Variants in SIN3B observed in about 807,000 individuals in gnomAD.
SIN3B encodes paired amphipathic helix protein Sin3b.
Under a neutral mutation model 120.2 loss-of-function variants are expected in SIN3B, and 19 were observed. The observed-to-expected ratio is 0.16, with a 90% CI of 0.11 to 0.23. SIN3B has a LOEUF of 0.23. Ranked by LOEUF, SIN3B falls within the 10% of genes least tolerant of loss-of-function variation. The pLI, the probability that SIN3B is intolerant of heterozygous loss-of-function variation, is 1.00. For missense variants in SIN3B, 1,073 were observed against 1,573.0 expected (o/e 0.68, Z 5.38); for synonymous variants, 654 against 653.2 (o/e 1.00, Z -0.02).
Position 16,862,321 on chromosome 19 carries a change from G to T in SIN3B, c.1059-31G>T. On this transcript the variant is annotated intron_variant, in intron 8 of 18. Transcript: ENST00000248054. This position sits in a 1 kb window ranked among gnomAD's most constrained non-coding sequence, Gnocchi z 4.7. ...ATCCCTCTCAGAAGGCCCTGGGGAT[G>T]ACCAGTTACCATGTGTCTTTATCTT... 6.3e-7 allele frequency: 1 copy of T among 1,579,662 alleles called. No individual in the cohort carries two copies. Among genetic ancestry groups the T allele is most frequent in the South Asian group, 1.1e-5 (1 of 89,902 alleles).
At chr19:16,878,474 C>T (rs2051642069) in intron 18 of SIN3B, 23 bp from the exon 19 acceptor site, 2 of 1,562,522 alleles carry the variant, frequency 1.3e-6, no homozygotes, top group Non-Finnish European at 8.7e-7. Flanking sequence ...CTCAGCTGCC[C>T]TGACACCCGG....
intron 10 of SIN3B, 104 bp from the exon 11 acceptor site, chr19:16,865,306 A>ACCC (rs10625481): frequency 2.2e-3 from 861 of 387,934 alleles, no homozygotes; most frequent in Middle Eastern, 2.8e-3. Context: ...AAATACACAC[A>ACCC]CCCCCCCCCC....
intron 8 of SIN3B, among the ~76,000 whole-genome samples, chr19:16,857,412 G>A (rs1348791297): frequency 6.6e-6 from 1 of 151,942 alleles, no homozygotes; most frequent in South Asian, 2.1e-4. Context: ...TTAAATGAGC[G>A]CTGGCAGCAA....
chr19:16,833,331 G>A (rs1167319846), intron 3 of SIN3B, among the ~76,000 whole-genome samples: 1 of 152,160 alleles, frequency 6.6e-6, no homozygotes, highest in Non-Finnish European at 1.5e-5. Context: ...TGCAAGGTGT[G>A]TGTCAATTCT....
At chr19:16,847,298 C>T (rs942699595) in intron 5 of SIN3B, among the ~76,000 whole-genome samples, 185 bp downstream of exon 5, 17 of 152,214 alleles carry the variant, frequency 1.1e-4, no homozygotes, top group African/African-American at 3.1e-4. Context: ...ACAGCAAGCT[C>T]GTAAACGATT....
At chr19:16,844,226 T>C (rs538339849) in intron 4 of SIN3B, 2 of 152,228 alleles carry the variant, frequency 1.3e-5, no homozygotes, top group Admixed American at 6.5e-5. Context: ...GTTTGAACTG[T>C]TGTGTAAATT....
Position 16,838,752 on chromosome 19 carries a change from ACTT to A in SIN3B, c.382-3013_382-3011del, listed in dbSNP as rs1350228906. Among the ~76,000 whole-genome samples the A allele has an allele frequency of 4.6e-5, 7 of 151,744 alleles. No individual in the cohort carries two copies. The South Asian group carries it at 6.3e-4, about 14-fold the overall frequency. Reference sequence around the variant, plus strand: ...AGTGGCGGGGTCTCAGCTCACTAAAACTTCTGCTTCTCAGGTTCAAGCAATTCT... The same window carrying A: ...AGTGGCGGGGTCTCAGCTCACTAAAACTGCTTCTCAGGTTCAAGCAATTCT... On this transcript the variant is annotated intron_variant, in intron 3 of 18. Transcript: ENST00000248054.
In SIN3B at chr19:16,869,516, C is replaced by G; in HGVS notation, c.1863C>G (p.Ile621Met). Residue 621 changes from isoleucine to methionine, a missense_variant, in exon 13 of 19, where the codon ATC becomes ATG. Ile to Met is a conservative substitution (Grantham distance 10). Transcript: ENST00000248054. ...CCCCCTCTAGCGAGCCGCACCTCAT[C>G]TTTGTGTACGAGGACCGGCAGATCC... The part of the protein sequence containing the change: ...RSAPSSEPHL[I>M]FVYEDRQILE... The G allele has an allele frequency of 6.2e-7, 1 of 1,613,890 alleles. No homozygotes were observed. Among genetic ancestry groups the G allele is most frequent in the Non-Finnish European group, 8.5e-7 (1 of 1,179,978 alleles).
chr19:16,878,752 G>A lies in SIN3B; in HGVS notation c.*25G>A. The A allele has an allele frequency of 1.3e-6, 2 of 1,564,868 alleles. No individual in the cohort carries two copies. Among genetic ancestry groups the A allele is most frequent in the East Asian group, 2.3e-5 (1 of 42,568 alleles). On this transcript the variant is annotated 3_prime_UTR_variant, in exon 19 of 19. Coordinates refer to ENST00000248054, the MANE Select transcript of SIN3B (RefSeq NM_001297595.2). ...ACCCGCCCTCATGGGCACCGGGCAG[G>A]CGCCTCACAGAGCACAGACGTGCCC...
chr19:16,839,050 C>T (rs1971384531), intron 3 of SIN3B, among the ~76,000 whole-genome samples: 1 of 149,250 alleles, frequency 6.7e-6, no homozygotes, highest in Non-Finnish European at 1.5e-5. Flanking sequence ...GTCGGCTCAC[C>T]ACAACCCCCT....
At chr19:16,869,274 ACAAGAGGTTGAGG>A (rs1249025334) in intron 12 of SIN3B, among the ~76,000 whole-genome samples, 173 bp from the exon 13 acceptor site, 1 of 152,154 alleles carries the variant, frequency 6.6e-6, no homozygotes, top group South Asian at 2.1e-4. Flanking sequence ...ATGGGGCTGC[ACAAGAGGTTGAGG>A]CAAGCGACCT....
At chr19:16,835,613 A>C (rs902776969) in intron 3 of SIN3B, among the ~76,000 whole-genome samples, 14 of 146,060 alleles carry the variant, frequency 9.6e-5, no homozygotes, top group African/African-American at 3.6e-4. Context: ...TCCGCCTCTG[A>C]GGTTCAAGTC....
At chr19:16,851,268 A>T in intron 5 of SIN3B, 144 bp from the exon 6 acceptor site, 1 of 835,006 alleles carries the variant, frequency 1.2e-6, no homozygotes, top group Non-Finnish European at 1.8e-6. Flanking sequence ...GAGTCACCTC[A>T]CGCATGGACG....
chr19:16,872,550 T>C (rs1245926531), intron 14 of SIN3B: 1 of 151,772 alleles, frequency 6.6e-6, no homozygotes, highest in African/African-American at 2.4e-5. Context: ...TTCAAGCAAT[T>C]CTCCTGCCTC....
chr19:16,860,956 C>G (rs575321712), intron 8 of SIN3B, among the ~76,000 whole-genome samples: 1 of 152,198 alleles, frequency 6.6e-6, no homozygotes, highest in African/African-American at 2.4e-5. Flanking sequence ...TGCTCTGTTG[C>G]CCAGGCTGGT....
intron 8 of SIN3B, among the ~76,000 whole-genome samples, chr19:16,859,253 G>A (rs1971656376): frequency 6.6e-6 from 1 of 152,178 alleles, no homozygotes; most frequent in African/African-American, 2.4e-5. Flanking sequence ...CAGCCAGGGT[G>A]CTCCAGCCCC....
chr19:16,841,155 G>A (rs1006896988), intron 3 of SIN3B, among the ~76,000 whole-genome samples: 1 of 152,092 alleles, frequency 6.6e-6, no homozygotes, highest in Admixed American at 6.5e-5. Context: ...CATATCGGCT[G>A]AAAAGTACAC....
intron 8 of SIN3B, chr19:16,855,055 TTGA>T (rs1444606501): frequency 1.3e-5 from 2 of 152,200 alleles, no homozygotes; most frequent in Admixed American, 6.5e-5. Flanking sequence ...CTAACACCTG[TTGA>T]TGATGTTGAG....
chr19:16,877,260 A>G, intron 16 of SIN3B: 1 of 438,116 alleles, frequency 2.3e-6, no homozygotes, highest in Non-Finnish European at 4.1e-6. Flanking sequence ...GCTCCTGCCA[A>G]AGGCTCTGGG....
Sources: allele counts gnomAD v4.1 joint callset (sites outside exome capture counted in the v4.1 genomes callset), GRCh38; gene constraint gnomAD v4.1.1; non-coding constraint Gnocchi (gnomAD v3.1); transcripts MANE v1.5; gene names NCBI Gene and HGNC (gene_info 2026-07-23, HGNC 2026-07-21).